The following ABHD12 variants were observed in gnomAD, a reference collection of about 807,000 sequenced individuals.
ABHD12 encodes the protein lysophosphatidylserine lipase ABHD12.
In ABHD12, 43 loss-of-function variants were observed where a neutral mutation model predicts 58.3. That is an observed-to-expected ratio of 0.74 (90% CI 0.58 to 0.95). ABHD12 has a LOEUF of 0.95. Among genes scored for constraint, ABHD12 ranks in the 40% least tolerant of loss-of-function variants. The probability of loss-of-function intolerance (pLI) is 0.00; values close to 1 mark genes in which losing one functional copy is unlikely to be tolerated. For synonymous variants in ABHD12, 219 were observed against 211.2 expected (o/e 1.04, Z -0.32); for missense variants, 539 against 537.2 (o/e 1.00, Z -0.03).
chr20:25,313,326 G>T (rs1399064040), intron 6 of ABHD12, among the ~76,000 whole-genome samples: 1 of 152,258 alleles, frequency 6.6e-6, no homozygotes. Flanking sequence ...GTCCACTCAG[G>T]GTTAAATGGA....
At chr20:25,336,659 C>T (rs148382752) in intron 2 of ABHD12, among the ~76,000 whole-genome samples, 1,608 of 152,344 alleles carry the variant, frequency 0.011, 10 homozygotes, top group Non-Finnish European at 0.015. Flanking sequence ...ACCTGTAAAC[C>T]TTGGACGCAC....
rs535038953 is a variant in ABHD12, at chr20:25,383,397, T to TG, written c.191+7115dup. On this transcript the variant is annotated intron_variant, in intron 1 of 12. Coordinates refer to ENST00000339157, the MANE Select transcript of ABHD12 (RefSeq NM_001042472.3). Reference sequence around the variant, plus strand: ...CAGATCTGGCCTGTCGGTTGGGAGTTGGAGGATAAAGACTAGGTAACACAC... The same window carrying TG: ...CAGATCTGGCCTGTCGGTTGGGAGTTGGGAGGATAAAGACTAGGTAACACAC... 6.0e-3 allele frequency among the ~76,000 whole-genome samples: 914 copies of TG among 152,268 alleles called. 9 individuals carry two copies. Among genetic ancestry groups the TG allele is most frequent in the African/African-American group, 0.021 (874 of 41,556 alleles).
chr20:25,384,027 A>C (rs1387989034), intron 1 of ABHD12, among the ~76,000 whole-genome samples: 1 of 150,212 alleles, frequency 6.7e-6, no homozygotes, highest in Non-Finnish European at 1.5e-5. Flanking sequence ...CCATAGTCCC[A>C]GCTACTCAGG....
downstream of ABHD12, among the ~76,000 whole-genome samples, chr20:25,298,189 T>G (rs567383527): frequency 5.9e-5 from 9 of 152,322 alleles, no homozygotes; most frequent in African/African-American, 2.2e-4. Context: ...CACCCCATCA[T>G]TCTGGGATTG....
chr20:25,312,903 C>T (rs1002697772), intron 6 of ABHD12, among the ~76,000 whole-genome samples: 26 of 149,942 alleles, frequency 1.7e-4, no homozygotes, highest in East Asian at 5.9e-4. Context: ...CCCCTCCGCC[C>T]GGCAGCCGCC....
chr20:25,387,378 T>C (rs2090105107), intron 1 of ABHD12, among the ~76,000 whole-genome samples: 3 of 151,828 alleles, frequency 2.0e-5, no homozygotes, highest in African/African-American at 7.2e-5. Flanking sequence ...CTGGCCAACA[T>C]GGTGAAACCC....
chr20:25,309,637 C>A, intron 6 of ABHD12, 62 bp from the exon 7 acceptor site: 1 of 1,608,082 alleles, frequency 6.2e-7, no homozygotes, highest in South Asian at 1.1e-5. Context: ...TGGACAAACA[C>A]ACCTCCCCAA....
Position 25,308,053 on chromosome 20 carries a change from A to C in ABHD12, c.788-8T>G. On this transcript the variant is annotated splice_polypyrimidine_tract_variant and splice_region_variant and intron_variant, in intron 8 of 12. Coordinates refer to ENST00000339157, the MANE Select transcript of ABHD12 (RefSeq NM_001042472.3). ...GGGCATCTGGAGGCGTCTCTAGATA[A>C]ACAAACAGGGAACTGAGAGGTAGGC... The C allele has an allele frequency of 6.4e-7, 1 of 1,572,372 alleles. No homozygotes were observed. The highest frequency in any genetic ancestry group is 8.8e-7 in the Non-Finnish European group (1 of 1,142,450).
chr20:25,339,424 T>C (rs1423094665), intron 1 of ABHD12, 73 bp from the exon 2 acceptor site: 4 of 1,604,706 alleles, frequency 2.5e-6, no homozygotes, highest in Middle Eastern at 1.7e-4. Context: ...AATAGTGTTA[T>C]CAAAATCCCT....
chr20:25,366,105 C>T (rs2089817216), intron 1 of ABHD12, among the ~76,000 whole-genome samples: 1 of 152,016 alleles, frequency 6.6e-6, no homozygotes, highest in Admixed American at 6.6e-5. Context: ...ATGAATTATG[C>T]TATCTTTCGC....
intron 2 of ABHD12, among the ~76,000 whole-genome samples, chr20:25,332,186 A>G (rs1342315407): frequency 6.6e-6 from 1 of 151,838 alleles, no homozygotes; most frequent in East Asian, 1.9e-4. Flanking sequence ...CTTTAAACCA[A>G]CAAAGATCAA....
intron 1 of ABHD12, among the ~76,000 whole-genome samples, chr20:25,340,816 C>T (rs2146039144): frequency 6.6e-6 from 1 of 152,228 alleles, no homozygotes; most frequent in African/African-American, 2.4e-5. Context: ...AAAAACAGAA[C>T]AGAGGTTGCT....
At chr20:25,326,069 CA>C (rs1339542161) in intron 2 of ABHD12, among the ~76,000 whole-genome samples, 105 of 52,458 alleles carry the variant, frequency 2.0e-3, no homozygotes, top group Admixed American at 3.2e-3. Context: ...AGACTCTGTC[CA>C]AAAAAAAAAA....
At chr20:25,379,461 C>T (rs2089997561) in intron 1 of ABHD12, among the ~76,000 whole-genome samples, 1 of 152,174 alleles carries the variant, frequency 6.6e-6, no homozygotes. Flanking sequence ...AATAGATCAA[C>T]TTACCCATGT....
downstream of ABHD12, among the ~76,000 whole-genome samples, chr20:25,298,630 AACAC>A (rs376913766): frequency 2.0e-5 from 3 of 152,200 alleles, no homozygotes; most frequent in Admixed American, 1.3e-4. Context: ...GGGGATAAGA[AACAC>A]ACACACCTTT....
In ABHD12 at chr20:25,371,843, C is replaced by T. The variant is rs185241239; in HGVS notation, c.191+18670G>A. 2.5e-3 allele frequency among the ~76,000 whole-genome samples: 376 copies of T among 152,270 alleles called. 1 individual carries two copies. The highest frequency in any genetic ancestry group is 0.017 in the Middle Eastern group (5 of 294). On this transcript the variant is annotated intron_variant, in intron 1 of 12. Transcript: ENST00000339157. ...GGGCTTGCAGGCATAAGCCACAGTG[C>T]CTGGTCCCCTAGATTTTTAATGTGA...
At chr20:25,342,432 T>C (rs1052354671) in intron 1 of ABHD12, among the ~76,000 whole-genome samples, 1 of 151,546 alleles carries the variant, frequency 6.6e-6, no homozygotes, top group Non-Finnish European at 1.5e-5. Flanking sequence ...CACTTCACTT[T>C]ACTGCACTTT....
At chr20:25,363,907 T>C (rs975864436) in intron 1 of ABHD12, among the ~76,000 whole-genome samples, 3 of 152,124 alleles carry the variant, frequency 2.0e-5, no homozygotes, top group Admixed American at 6.6e-5. Flanking sequence ...AAATGCAGTA[T>C]GTGGGCAACT....
intron 1 of ABHD12, among the ~76,000 whole-genome samples, chr20:25,378,399 A>G (rs1370577905): frequency 2.0e-5 from 3 of 152,172 alleles, no homozygotes; most frequent in South Asian, 2.1e-4. Context: ...AAAATGACCT[A>G]TGGGCACTTG....
Sources: gnomAD v4.1 joint callset for allele counts (sites outside exome capture counted in the v4.1 genomes callset) on GRCh38, gnomAD v4.1.1 for gene constraint, MANE v1.5 for transcripts, NCBI Gene and HGNC (gene_info 2026-07-23, HGNC 2026-07-21) for gene names.